The following LSAMP variants were observed in gnomAD, a reference collection of about 807,000 sequenced individuals.
LSAMP encodes the protein limbic system associated membrane protein.
A neutral mutation model predicts 38.6 loss-of-function variants in LSAMP; 7 were observed. The ratio of observed to expected loss-of-function variants is 0.18; its 90% CI spans 0.10 to 0.34. LSAMP has a LOEUF of 0.34. Ranked by LOEUF, LSAMP falls within the 10% of genes least tolerant of loss-of-function variation. The pLI, the probability that LSAMP is intolerant of heterozygous loss-of-function variation, is 1.00. For synonymous variants in LSAMP, 154 were observed against 166.8 expected, an observed-to-expected ratio of 0.92 and a Z score of 0.59; for missense variants, 313 against 420.0, an observed-to-expected ratio of 0.75 and a Z score of 2.23.
intron 2 of LSAMP, among the ~76,000 whole-genome samples, chr3:116,049,017 T>A (rs1941343505): frequency 6.6e-6 from 1 of 152,220 alleles, no homozygotes; most frequent in Admixed American, 6.5e-5. Flanking sequence ...GAGCTGATAC[T>A]ATAGAAGTTC....
intron 1 of LSAMP, among the ~76,000 whole-genome samples, chr3:116,365,739 C>G (rs2048342072): frequency 9.7e-6 from 1 of 102,826 alleles, no homozygotes; most frequent in South Asian, 3.3e-4. Flanking sequence ...TGGAAACCAT[C>G]ATTCTCAGTA....
chr3:115,977,729 CAAAAA>C (rs56833385), intron 3 of LSAMP, among the ~76,000 whole-genome samples: 3,759 of 129,766 alleles, frequency 0.029, 107 homozygotes, highest in African/African-American at 0.072. Flanking sequence ...AACAGAACAC[CAAAAA>C]AAAAAAAAAA....
At chr3:116,185,767 G>A (rs2107575312) in intron 1 of LSAMP, among the ~76,000 whole-genome samples, 1 of 152,016 alleles carries the variant, frequency 6.6e-6, no homozygotes, top group Middle Eastern at 3.4e-3. Context: ...TAAATTCACT[G>A]TAGTGGCATG....
At chr3:116,374,192 C>A (rs749080920) in intron 1 of LSAMP, among the ~76,000 whole-genome samples, 1 of 151,826 alleles carries the variant, frequency 6.6e-6, no homozygotes, top group African/African-American at 2.4e-5. Context: ...ATGATTAATA[C>A]CTTGCAAGAC....
intron 3 of LSAMP, among the ~76,000 whole-genome samples, chr3:115,950,423 C>T (rs138887734): frequency 2.7e-3 from 410 of 151,944 alleles, no homozygotes; most frequent in African/African-American, 9.5e-3. Context: ...AAATCGGTAC[C>T]ACTGCTATAC....
chr3:116,043,401 G>T (rs546181586), intron 2 of LSAMP, among the ~76,000 whole-genome samples: 1 of 152,250 alleles, frequency 6.6e-6, no homozygotes, highest in East Asian at 1.9e-4. Context: ...GACACAAAAA[G>T]GTTGCTTCTG....
chr3:116,105,867 G>A (rs913095637), intron 1 of LSAMP, among the ~76,000 whole-genome samples: 21 of 152,194 alleles, frequency 1.4e-4, no homozygotes, highest in African/African-American at 4.8e-4. Flanking sequence ...ATTTTTGGGG[G>A]GTGGTATGGA....
intron 3 of LSAMP, among the ~76,000 whole-genome samples, chr3:115,939,530 CTCTTTCTT>C (rs377683505): frequency 0.028 from 2,791 of 99,698 alleles, 44 homozygotes; most frequent in Middle Eastern, 0.034. Flanking sequence ...TGTTCTCTTT[CTCTTTCTT>C]TCTTTCTTTC....
At chr3:116,376,115 T>A (rs1413203513) in intron 1 of LSAMP, among the ~76,000 whole-genome samples, 1 of 152,062 alleles carries the variant, frequency 6.6e-6, no homozygotes, top group Non-Finnish European at 1.5e-5. Context: ...AACAAATGTT[T>A]GGAACACAAT....
At chr3:116,021,680 C>T (rs1940641734) in intron 2 of LSAMP, among the ~76,000 whole-genome samples, 1 of 151,746 alleles carries the variant, frequency 6.6e-6, no homozygotes, top group Admixed American at 6.6e-5. Flanking sequence ...TAGATATGTT[C>T]TGATAAAAAA....
intron 6 of LSAMP, among the ~76,000 whole-genome samples, chr3:115,818,766 T>C (rs1212748612): frequency 9.5e-6 from 1 of 105,200 alleles, no homozygotes; most frequent in African/African-American, 3.2e-5. Context: ...TATATATATA[T>C]AAGAAAGAAG....
intron 2 of LSAMP, among the ~76,000 whole-genome samples, chr3:116,082,466 G>A (rs1458027246): frequency 6.6e-6 from 1 of 152,082 alleles, no homozygotes; most frequent in African/African-American, 2.4e-5. Flanking sequence ...TTCTGGATGT[G>A]GTTCTCTGGA....
At chr3:115,943,808 T>A (rs1428327334) in intron 3 of LSAMP, among the ~76,000 whole-genome samples, 1 of 152,172 alleles carries the variant, frequency 6.6e-6, no homozygotes, top group Non-Finnish European at 1.5e-5. Flanking sequence ...TGAGTATCTC[T>A]TAGAGGATAC....
chr3:116,249,079 G>T (rs1227479170), intron 1 of LSAMP, among the ~76,000 whole-genome samples: 1 of 151,584 alleles, frequency 6.6e-6, no homozygotes, highest in Non-Finnish European at 1.5e-5. Context: ...AACCCAGGAG[G>T]TGGAGCTTGC....
intron 3 of LSAMP, among the ~76,000 whole-genome samples, chr3:115,978,192 A>G (rs1319170395): frequency 6.6e-6 from 1 of 152,160 alleles, no homozygotes; most frequent in Non-Finnish European, 1.5e-5. Context: ...AGGAAATGGT[A>G]GTTATTTCCT....
At chr3:115,931,460 A>AG (rs1256584399) in intron 3 of LSAMP, among the ~76,000 whole-genome samples, 1 of 152,140 alleles carries the variant, frequency 6.6e-6, no homozygotes, top group East Asian at 1.9e-4. Context: ...ATCAAGTGTC[A>AG]GGGGGTTGGA....
chr3:115,842,117 A>G, intron 5 of LSAMP, 124 bp from the exon 6 acceptor site: 2 of 972,274 alleles, frequency 2.1e-6, no homozygotes, highest in South Asian at 1.7e-5. Flanking sequence ...TTGTTGTTCC[A>G]TGCCCAATTC....
chr3:115,936,107 A>G (rs1937690083), intron 3 of LSAMP, among the ~76,000 whole-genome samples: 1 of 152,222 alleles, frequency 6.6e-6, no homozygotes, highest in South Asian at 2.1e-4. Context: ...AAGCAAATCA[A>G]TCTGGAAGTC....
Position 116,123,837 on chromosome 3 carries a change from T to A in LSAMP, c.156-37281A>T, listed in dbSNP as rs17698316. 9.3e-3 allele frequency among the ~76,000 whole-genome samples: 1,422 copies of A among 152,326 alleles called. 21 individuals are homozygous for A. The highest frequency in any genetic ancestry group is 0.065 in the Middle Eastern group (19 of 294). ...CCCATAAATGTTGAGATGACTTAATTCATTGGGTGCCAGATAATAAGGCAT... is the reference window on the plus strand; with the variant it reads ...CCCATAAATGTTGAGATGACTTAATACATTGGGTGCCAGATAATAAGGCAT... On this transcript the variant is annotated intron_variant, in intron 1 of 6. Coordinates refer to ENST00000490035, the MANE Select transcript of LSAMP (RefSeq NM_002338.5).
Sources: allele counts gnomAD v4.1 joint callset (sites outside exome capture counted in the v4.1 genomes callset), GRCh38; gene constraint gnomAD v4.1.1; transcripts MANE v1.5; gene names NCBI Gene and HGNC (gene_info 2026-07-23, HGNC 2026-07-21).